Variants in COL5A2 observed in about 807,000 individuals in gnomAD.
The protein encoded by COL5A2 is collagen alpha-2(V) chain.
Under a neutral mutation model 208.2 loss-of-function variants are expected in COL5A2, and 23 were observed. That is an observed-to-expected ratio of 0.11 (90% CI 0.08 to 0.16). The LOEUF (loss-of-function observed/expected upper bound fraction) is 0.16. COL5A2 is among the 10% of genes least tolerant of loss of function. The pLI is 1.00. For missense variants in COL5A2, 1,590 were observed against 1,956.4 expected (o/e 0.81, Z 3.53); for synonymous variants, 625 against 628.5 (o/e 0.99, Z 0.08).
the COL5A2 span, among the ~76,000 whole-genome samples, chr2:189,391,203 C>T: frequency 2.4e-4 from 36 of 152,102 alleles, no homozygotes; most frequent in African/African-American, 8.7e-4. Flanking sequence ...TGTAACACGG[C>T]ATTTGAGGTT....
Position 189,068,826 on chromosome 2 carries a change from T to A in COL5A2, c.1217A>T (p.Glu406Val). Reference protein sequence around the residue: ...GPEGPQGQRGETGPPGPVGSP... With the variant: ...GPEGPQGQRGVTGPPGPVGSP... ...GCCAACTGGACCTGGGGGCCCAGTT[T>A]CACCTCTCTGCCCCTGAGGACCTTC... The change falls in exon 19 of 54, where the codon GAA (glutamate) becomes GTA (valine). Residue 406 changes from glutamate to valine, a missense_variant. Physicochemically the swap from Glu to Val is moderately radical, Grantham distance 121. Coordinates refer to ENST00000374866, the MANE Select transcript of COL5A2 (RefSeq NM_000393.5). 1 of 1,613,224 alleles carries A rather than the reference T, an allele frequency of 6.2e-7. No homozygotes were observed.
chr2:189,406,667 T>G, the COL5A2 span, among the ~76,000 whole-genome samples: 1 of 152,106 alleles, frequency 6.6e-6, no homozygotes, highest in African/African-American at 2.4e-5. Flanking sequence ...TACTTGAAAA[T>G]TGTTTTAAAC....
At chr2:189,277,826 G>C in the COL5A2 span, among the ~76,000 whole-genome samples, 1 of 152,074 alleles carries the variant, frequency 6.6e-6, no homozygotes, top group Non-Finnish European at 1.5e-5. Flanking sequence ...AAACAGTGAT[G>C]ATCTGCAAGT....
chr2:189,440,337 C>T, the COL5A2 span, among the ~76,000 whole-genome samples: 1 of 152,090 alleles, frequency 6.6e-6, no homozygotes, highest in African/African-American at 2.4e-5. Context: ...ACAGAGTGTA[C>T]CTACACAAAC....
chr2:189,433,463 G>T, the COL5A2 span, among the ~76,000 whole-genome samples: 1 of 151,602 alleles, frequency 6.6e-6, no homozygotes, highest in Admixed American at 6.6e-5. Flanking sequence ...AAAGAGAGAA[G>T]AATCAAATAG....
chr2:189,389,195 T>G, the COL5A2 span, among the ~76,000 whole-genome samples: 1 of 152,174 alleles, frequency 6.6e-6, no homozygotes, highest in Non-Finnish European at 1.5e-5. Context: ...TCGCTGTAGC[T>G]AATAGTACAC....
chr2:189,112,235 G>T lies in COL5A2; in HGVS notation c.98-1786C>A, dbSNP rs1687298034. On this transcript the variant is annotated intron_variant, in intron 1 of 53. Coordinates refer to ENST00000374866, the MANE Select transcript of COL5A2 (RefSeq NM_000393.5). ...TATTTGTCTACTGGATGGATATAAT[G>T]AATGAATCTAAACTACGGTAAACTA... Among the ~76,000 whole-genome samples the T allele has an allele frequency of 2.0e-5, 3 of 152,138 alleles. No individual in the cohort carries two copies. The South Asian group carries it at 6.2e-4, about 31-fold the overall frequency.
intron 8 of COL5A2, 67 bp downstream of exon 8, chr2:189,088,628 A>G (rs1162510198): frequency 1.7e-6 from 2 of 1,198,238 alleles, no homozygotes; most frequent in African/African-American, 3.0e-5. Context: ...TAGTTAACTC[A>G]AGATTCTCTT....
the COL5A2 span, among the ~76,000 whole-genome samples, chr2:189,366,557 T>C: frequency 6.6e-6 from 1 of 152,240 alleles, no homozygotes; most frequent in Non-Finnish European, 1.5e-5. Context: ...TTATTGTTTA[T>C]CTTAATTACC....
the COL5A2 span, among the ~76,000 whole-genome samples, chr2:189,378,826 T>G: frequency 6.6e-6 from 1 of 152,160 alleles, no homozygotes; most frequent in Non-Finnish European, 1.5e-5. Context: ...CATTGTAACT[T>G]TGTATATGAA....
At chr2:189,288,630 CA>C in the COL5A2 span, among the ~76,000 whole-genome samples, 1 of 151,996 alleles carries the variant, frequency 6.6e-6, no homozygotes, top group Non-Finnish European at 1.5e-5. Context: ...CTGCTTTTAC[CA>C]AACGTTTAAG....
At chr2:189,325,895 G>A in the COL5A2 span, among the ~76,000 whole-genome samples, 1 of 152,098 alleles carries the variant, frequency 6.6e-6, no homozygotes, top group East Asian at 1.9e-4. Context: ...TCAGGAATTC[G>A]ACACCAGCCT....
chr2:189,099,427 C>T (rs938397548), intron 4 of COL5A2, among the ~76,000 whole-genome samples: 4 of 152,004 alleles, frequency 2.6e-5, no homozygotes, highest in African/African-American at 9.7e-5. Flanking sequence ...GAGTTGAAGA[C>T]CAGCCCGGCC....
the COL5A2 span, among the ~76,000 whole-genome samples, chr2:189,289,504 T>G: frequency 6.6e-6 from 1 of 152,286 alleles, no homozygotes; most frequent in South Asian, 2.1e-4. Context: ...TTACCATTTC[T>G]ATTCAACATA....
At chr2:189,318,791 C>T in the COL5A2 span, among the ~76,000 whole-genome samples, 11 of 152,228 alleles carry the variant, frequency 7.2e-5, no homozygotes, top group East Asian at 7.7e-4. Context: ...CCAAGGATAA[C>T]GTGGGGCTTG....
the COL5A2 span, among the ~76,000 whole-genome samples, chr2:189,411,537 T>C: frequency 4.6e-5 from 7 of 152,336 alleles, no homozygotes; most frequent in African/African-American, 1.7e-4. Flanking sequence ...TGGAAATCTA[T>C]GAACTATCAC....
the COL5A2 span, among the ~76,000 whole-genome samples, chr2:189,252,450 T>C: frequency 6.6e-6 from 1 of 152,348 alleles, no homozygotes; most frequent in South Asian, 2.1e-4. Flanking sequence ...GATGAGTTCA[T>C]GTCCTTTGTA....
At chr2:189,112,585 A>T (rs890477223) in intron 1 of COL5A2, among the ~76,000 whole-genome samples, 2 of 152,190 alleles carry the variant, frequency 1.3e-5, no homozygotes, top group Non-Finnish European at 2.9e-5. Context: ...TAACACTACT[A>T]TATCCTAATG....
chr2:189,061,409 C>T (rs941276429), intron 30 of COL5A2, among the ~76,000 whole-genome samples, 153 bp downstream of exon 30: 3 of 151,140 alleles, frequency 2.0e-5, no homozygotes, highest in South Asian at 2.1e-4. Context: ...CAAAAATGTT[C>T]GATTTTATCC....
Sources: gnomAD v4.1 joint callset for allele counts (sites outside exome capture counted in the v4.1 genomes callset) on GRCh38, gnomAD v4.1.1 for gene constraint, MANE v1.5 for transcripts, NCBI Gene and HGNC (gene_info 2026-07-23, HGNC 2026-07-21) for gene names.